ATP8A2: variants seen among roughly 807,000 people sequenced by gnomAD.
ATP8A2 encodes ATPase phospholipid transporting 8A2.
In ATP8A2, 100 loss-of-function variants were observed where a neutral mutation model predicts 165.6. That is an observed-to-expected ratio of 0.60 (90% CI 0.51 to 0.71). The LOEUF (loss-of-function observed/expected upper bound fraction) is 0.71, where lower values mean the gene tolerates loss of function less well. ATP8A2 is among the 30% of genes least tolerant of loss of function. The pLI is 0.00. For missense variants in ATP8A2, 1,227 were observed against 1,479.5 expected (o/e 0.83, Z 2.80); for synonymous variants, 543 against 548.8 (o/e 0.99, Z 0.15).
At chr13:25,499,001 A>G (rs2036766393) in intron 2 of ATP8A2, among the ~76,000 whole-genome samples, 1 of 152,194 alleles carries the variant, frequency 6.6e-6, no homozygotes, top group Non-Finnish European at 1.5e-5. Context: ...GAGGAAATGG[A>G]CACTTCGGTT....
chr13:25,465,731 CTTTCTT>C (rs1566153522), intron 1 of ATP8A2, among the ~76,000 whole-genome samples: 35 of 68,146 alleles, frequency 5.1e-4, no homozygotes, highest in African/African-American at 1.6e-3. Flanking sequence ...TTCTTTCTTT[CTTTCTT>C]TCCCTCCCTC....
chr13:25,563,768 A>G (rs1049814941), intron 15 of ATP8A2, among the ~76,000 whole-genome samples, 188 bp from the exon 16 acceptor site: 7 of 152,214 alleles, frequency 4.6e-5, no homozygotes, highest in African/African-American at 1.7e-4. Context: ...TCTTATTTAT[A>G]GTAAACTCCA....
At chr13:25,787,475 C>T (rs9783570) in intron 27 of ATP8A2, among the ~76,000 whole-genome samples, 4,266 of 152,292 alleles carry the variant, frequency 0.028, 185 homozygotes, top group African/African-American at 0.097. Context: ...ACATTTGGGC[C>T]GTTTCCTAAT....
At chr13:25,377,894 G>C (rs1014155999) in intron 1 of ATP8A2, among the ~76,000 whole-genome samples, 1 of 152,156 alleles carries the variant, frequency 6.6e-6, no homozygotes, top group Non-Finnish European at 1.5e-5. Context: ...CCAGGTGGGA[G>C]GTTCACTTGA....
chr13:25,728,507 G>A (rs1001790510), intron 25 of ATP8A2, among the ~76,000 whole-genome samples: 2 of 152,176 alleles, frequency 1.3e-5, no homozygotes, highest in African/African-American at 4.8e-5. Flanking sequence ...GTGAATAAAG[G>A]TCATATTACT....
At chr13:25,622,034 A>G (rs536450672) in intron 24 of ATP8A2, among the ~76,000 whole-genome samples, 6 of 152,068 alleles carry the variant, frequency 3.9e-5, no homozygotes, top group Admixed American at 1.3e-4. Context: ...ACTAAAAAAC[A>G]TCTCTGCTAA....
chr13:25,807,307 A>G (rs1296918332), intron 27 of ATP8A2, among the ~76,000 whole-genome samples: 1 of 152,112 alleles, frequency 6.6e-6, no homozygotes, highest in African/African-American at 2.4e-5. Context: ...TAGGAATTCT[A>G]TAGATTCAGC....
intron 1 of ATP8A2, among the ~76,000 whole-genome samples, chr13:25,457,197 T>C (rs2035387405): frequency 1.3e-5 from 2 of 152,174 alleles, no homozygotes; most frequent in African/African-American, 4.8e-5. Flanking sequence ...AGCCTGTGAG[T>C]CTGGAATGGC....
intron 33 of ATP8A2, among the ~76,000 whole-genome samples, chr13:25,905,123 G>A (rs1018112627): frequency 4.6e-5 from 7 of 151,294 alleles, no homozygotes. Context: ...ATCCATTAAC[G>A]TGACATTGTA....
At chr13:25,841,953 A>G (rs563398023) in intron 30 of ATP8A2, among the ~76,000 whole-genome samples, 90 of 152,292 alleles carry the variant, frequency 5.9e-4, no homozygotes, top group African/African-American at 2.0e-3. Flanking sequence ...TGACAACAGC[A>G]TTAATTTATT....
intron 19 of ATP8A2, among the ~76,000 whole-genome samples, chr13:25,576,683 T>C (rs553559714): frequency 6.6e-6 from 1 of 152,290 alleles, no homozygotes; most frequent in South Asian, 2.1e-4. Flanking sequence ...GGATCTATAC[T>C]GAGTCTCCCA....
chr13:25,796,315 G>A (rs563756297), intron 27 of ATP8A2, among the ~76,000 whole-genome samples: 9 of 152,270 alleles, frequency 5.9e-5, no homozygotes, highest in African/African-American at 2.2e-4. Flanking sequence ...TACTTTATCA[G>A]GATGAAGGGC....
chr13:25,896,944 G>C (rs1282917067), intron 33 of ATP8A2, among the ~76,000 whole-genome samples: 1 of 152,216 alleles, frequency 6.6e-6, no homozygotes, highest in African/African-American at 2.4e-5. Context: ...CGTGAGATGG[G>C]TTTCCTGAAT....
chr13:25,891,648 C>A (rs1056954180), intron 33 of ATP8A2, among the ~76,000 whole-genome samples: 4 of 151,998 alleles, frequency 2.6e-5, no homozygotes, highest in Non-Finnish European at 4.4e-5. Context: ...TGATCCCTGC[C>A]TTCATCCCTA....
chr13:25,707,993 C>T (rs1219503688), intron 25 of ATP8A2, among the ~76,000 whole-genome samples: 1 of 152,194 alleles, frequency 6.6e-6, no homozygotes, highest in Non-Finnish European at 1.5e-5. Flanking sequence ...TGTGAGACAC[C>T]AGAAGAGCTC....
At chr13:25,520,787 ATT>A (rs954463142) in intron 2 of ATP8A2, among the ~76,000 whole-genome samples, 4 of 137,344 alleles carry the variant, frequency 2.9e-5, no homozygotes, top group African/African-American at 1.1e-4. Context: ...ATATATATAT[ATT>A]TTTTTTAGTA....
chr13:25,443,864 A>T (rs1005148530), intron 1 of ATP8A2, among the ~76,000 whole-genome samples: 15 of 152,368 alleles, frequency 9.8e-5, no homozygotes, highest in African/African-American at 3.6e-4. Flanking sequence ...ATATCCATTG[A>T]GTGATAGAAT....
rs373362823 is a variant in ATP8A2, at chr13:26,023,953, C to T, written c.*3968C>T. ...TGGCAAAGAAATGAGTTTATCAGGTCGAGTCAAAACATGGCATCCCCTGTT... is the reference window on the plus strand; with the variant it reads ...TGGCAAAGAAATGAGTTTATCAGGTTGAGTCAAAACATGGCATCCCCTGTT... On this transcript the variant is annotated 3_prime_UTR_variant, in exon 37 of 37. Coordinates refer to ENST00000381655, the MANE Select transcript of ATP8A2 (RefSeq NM_016529.6). 6.6e-6 allele frequency: 1 copy of T among 152,008 alleles called. No homozygotes were observed. Among genetic ancestry groups the T allele is most frequent in the Non-Finnish European group, 1.5e-5 (1 of 68,024 alleles). 9.4% of individuals were successfully genotyped at this position (152,008 alleles called of 1,614,324 possible). A position where few individuals can be genotyped will look rare whatever the true frequency, so the allele number is the denominator to read the frequency against.
chr13:25,384,000 T>C (rs2032948475), intron 1 of ATP8A2, among the ~76,000 whole-genome samples: 4 of 152,202 alleles, frequency 2.6e-5, no homozygotes, highest in Admixed American at 2.6e-4. Context: ...TGGGGATCTT[T>C]TAGGGAGCAT....
Sources: allele counts gnomAD v4.1 joint callset (sites outside exome capture counted in the v4.1 genomes callset), GRCh38; gene constraint gnomAD v4.1.1; transcripts MANE v1.5; gene names NCBI Gene and HGNC (gene_info 2026-07-23, HGNC 2026-07-21).